Variants in MIA2 observed in about 807,000 individuals in gnomAD.
MIA2 encodes MIA SH3 domain ER export factor 2.
A neutral mutation model predicts 167.8 loss-of-function variants in MIA2; 127 were observed. That is an observed-to-expected ratio of 0.76 (90% CI 0.66 to 0.88). The LOEUF is 0.88. MIA2 is among the 40% of genes least tolerant of loss of function. The pLI is 0.00. For synonymous variants in MIA2, 552 were observed against 541.9 expected (o/e 1.02, Z -0.26); for missense variants, 1,690 against 1,624.7 (o/e 1.04, Z -0.69).
intron 20 of MIA2, chr14:39,315,089 C>T (rs2152946576): frequency 3.9e-6 from 1 of 254,384 alleles, no homozygotes; most frequent in Non-Finnish European, 7.1e-6. Flanking sequence ...TCGAGACCAG[C>T]CTGGATAACA....
intron 23 of MIA2, among the ~76,000 whole-genome samples, chr14:39,357,041 G>A (rs1242980003): frequency 6.6e-6 from 1 of 152,200 alleles, no homozygotes; most frequent in East Asian, 1.9e-4. Flanking sequence ...GAATTCGGGT[G>A]GAGAGTTCTG....
At chr14:39,288,475 A>ATATATATATATT (rs1294270700) in intron 9 of MIA2, among the ~76,000 whole-genome samples, 1 of 50,516 alleles carries the variant, frequency 2.0e-5, no homozygotes, top group Non-Finnish European at 3.0e-5. Flanking sequence ...ATATATATAT[A>ATATATATATATT]TTTTTTTTTT....
Position 39,285,353 on chromosome 14 carries a change from C to T in MIA2, c.2131-5666C>T, listed in dbSNP as rs552496186. Among the ~76,000 whole-genome samples, 732 of 151,332 alleles carry T rather than the reference C, an allele frequency of 4.8e-3. 4 individuals carry two copies. Among genetic ancestry groups the T allele is most frequent in the Non-Finnish European group, 5.7e-3 (384 of 67,644 alleles). On this transcript the variant is annotated intron_variant, in intron 9 of 28. Coordinates refer to ENST00000640607, the MANE Select transcript of MIA2 (RefSeq NM_001329214.4). ...CGGGCAGAGGCGCCCCCCCACCTCC[C>T]GGACGGGGCGGCGGCCGGGCGGGGG...
At chr14:39,350,731 C>G (rs1296306466), downstream of MIA2, 1 of 152,586 alleles carries the variant, frequency 6.6e-6, no homozygotes, top group Non-Finnish European at 1.5e-5. Flanking sequence ...TTACCAATAA[C>G]TTTGAGGTGC....
chr14:39,368,751 A>T (rs1374154825), intron 23 of MIA2, among the ~76,000 whole-genome samples: 3 of 143,700 alleles, frequency 2.1e-5, no homozygotes, highest in Non-Finnish European at 3.1e-5. Flanking sequence ...TGTTCTGAAA[A>T]TTTTTTTCAA....
At chr14:39,317,042 TG>T (rs2065592517) in intron 21 of MIA2, among the ~76,000 whole-genome samples, 1 of 152,126 alleles carries the variant, frequency 6.6e-6, no homozygotes, top group African/African-American at 2.4e-5. Context: ...TCAGATGACA[TG>T]GGTAGAGGCT....
At chr14:39,377,463 A>T (rs937826328) in intron 23 of MIA2, among the ~76,000 whole-genome samples, 90 of 152,334 alleles carry the variant, frequency 5.9e-4, no homozygotes, top group African/African-American at 1.9e-3. Context: ...AAGGAAAAGA[A>T]ATAAGGAAAA....
At chr14:39,384,414 C>G (rs1370246693) in intron 23 of MIA2, among the ~76,000 whole-genome samples, 1 of 152,104 alleles carries the variant, frequency 6.6e-6, no homozygotes, top group African/African-American at 2.4e-5. Flanking sequence ...TGGAGATGTG[C>G]AAGGAAATTC....
intron 23 of MIA2, among the ~76,000 whole-genome samples, chr14:39,382,953 G>GTTTTTTTTTT (rs10689511): frequency 2.7e-5 from 2 of 75,044 alleles, no homozygotes; most frequent in Non-Finnish European, 5.0e-5. Context: ...TATGGCCACA[G>GTTTTTTTTTT]TTTTTTTTTT....
intron 6 of MIA2, among the ~76,000 whole-genome samples, chr14:39,269,501 G>A (rs999728696): frequency 5.3e-5 from 8 of 151,832 alleles, no homozygotes; most frequent in Non-Finnish European, 1.0e-4. Context: ...GCATGTAACA[G>A]AGCTTCATTT....
intron 7 of MIA2, among the ~76,000 whole-genome samples, chr14:39,277,859 CGCCTACA>C (rs138326335): frequency 0.018 from 2,654 of 146,148 alleles, 89 homozygotes; most frequent in African/African-American, 0.064. Context: ...AATTATAGTG[CGCCTACA>C]GCCTACAGCC....
chr14:39,249,100 C>T (rs1440273455), intron 4 of MIA2, among the ~76,000 whole-genome samples: 1 of 152,044 alleles, frequency 6.6e-6, no homozygotes, highest in Non-Finnish European at 1.5e-5. Flanking sequence ...TCTAGGTCTG[C>T]AGTTTTGTTT....
At chr14:39,382,552 G>A (rs1034966300) in intron 23 of MIA2, among the ~76,000 whole-genome samples, 10 of 152,190 alleles carry the variant, frequency 6.6e-5, no homozygotes, top group Non-Finnish European at 1.5e-4. Context: ...GTATGGTCAC[G>A]TTACTGAATC....
At chr14:39,243,748 C>T (rs1251570245) in intron 3 of MIA2, among the ~76,000 whole-genome samples, 5 of 152,116 alleles carry the variant, frequency 3.3e-5, no homozygotes, top group Non-Finnish European at 7.4e-5. Context: ...CGCCTGTTTT[C>T]CCAGCTACTT....
At chr14:39,344,020 G>A (rs1219743395) in intron 25 of MIA2, among the ~76,000 whole-genome samples, 2 of 151,786 alleles carry the variant, frequency 1.3e-5, no homozygotes, top group African/African-American at 4.9e-5. Flanking sequence ...ATCACATGGT[G>A]TTTATGTGTT....
chr14:39,383,360 GTTA>G (rs965010311), intron 23 of MIA2, among the ~76,000 whole-genome samples: 1 of 152,106 alleles, frequency 6.6e-6, no homozygotes, highest in African/African-American at 2.4e-5. Flanking sequence ...TGCTACTATT[GTTA>G]TTTTGGTGTA....
chr14:39,294,159 G>C, intron 12 of MIA2, 88 bp downstream of exon 12: 1 of 920,954 alleles, frequency 1.1e-6, no homozygotes, highest in Non-Finnish European at 1.7e-6. Flanking sequence ...CACAATAGTA[G>C]GATTTGAGAT....
Position 39,291,022 on chromosome 14 carries a change from G to A in MIA2, c.2134G>A (p.Glu712Lys). The change falls in exon 10 of 29, where the codon GAA becomes AAA. Residue 712 changes from glutamate (E) to lysine (K), a missense_variant. Physicochemically the swap from Glu to Lys is moderately conservative, Grantham distance 56. Coordinates refer to ENST00000640607, the MANE Select transcript of MIA2 (RefSeq NM_001329214.4). ...EKFSLVQKEY[E>K]GYEVESSLKD... ...TTGTGATGTTGCTTTGTTTCAGTAT[G>A]AAGGCTATGAAGTAGAGTCATCTTT... 6.2e-7 allele frequency: 1 copy of A among 1,605,732 alleles called. No homozygotes were observed. The highest frequency in any genetic ancestry group is 1.1e-5 in the South Asian group (1 of 88,958).
chr14:39,360,673 C>G (rs2074662861), intron 23 of MIA2, among the ~76,000 whole-genome samples: 1 of 152,118 alleles, frequency 6.6e-6, no homozygotes, highest in African/African-American at 2.4e-5. Context: ...ATAGTCCCAT[C>G]TGTCCATTTT....
Sources: allele counts gnomAD v4.1 joint callset (sites outside exome capture counted in the v4.1 genomes callset), GRCh38; gene constraint gnomAD v4.1.1; transcripts MANE v1.5; gene names NCBI Gene and HGNC (gene_info 2026-07-23, HGNC 2026-07-21).